SIRPA: variants seen among roughly 807,000 people sequenced by gnomAD.
SIRPA encodes the protein signal regulatory protein alpha.
In SIRPA, 9 loss-of-function variants were observed where a neutral mutation model predicts 50.3. That is an observed-to-expected ratio of 0.18 (90% CI 0.11 to 0.31). SIRPA has a LOEUF of 0.31. Ranked by LOEUF, SIRPA falls within the 10% of genes least tolerant of loss-of-function variation. The pLI is 1.00. For synonymous variants in SIRPA, 265 were observed against 284.1 expected, an observed-to-expected ratio of 0.93 and a Z score of 0.68; for missense variants, 474 against 661.6, an observed-to-expected ratio of 0.72 and a Z score of 3.11.
intron 2 of SIRPA, among the ~76,000 whole-genome samples, chr20:1,919,811 G>A (rs539440731): frequency 6.6e-6 from 1 of 152,298 alleles, no homozygotes; most frequent in South Asian, 2.1e-4. Context: ...GTTTAGAAAA[G>A]GGGAGAGAAT....
At chr20:1,912,418 G>A (rs1984945271) in intron 1 of SIRPA, among the ~76,000 whole-genome samples, 2 of 152,164 alleles carry the variant, frequency 1.3e-5, no homozygotes, top group South Asian at 4.1e-4. Flanking sequence ...TGAAGAGAGA[G>A]GAGATTTGCC....
intron 1 of SIRPA, among the ~76,000 whole-genome samples, chr20:1,903,056 G>C (rs2083908404): frequency 6.7e-6 from 1 of 150,124 alleles, no homozygotes; most frequent in African/African-American, 2.5e-5. Context: ...AGAAAATGGA[G>C]GAGTAGCCAC....
chr20:1,908,385 A>G (rs891953826), intron 1 of SIRPA, among the ~76,000 whole-genome samples: 1 of 151,548 alleles, frequency 6.6e-6, no homozygotes, highest in Non-Finnish European at 1.5e-5. Context: ...CATACACACC[A>G]CACTCACGTG....
chr20:1,903,991 C>CAGT, intron 1 of SIRPA, among the ~76,000 whole-genome samples: 1 of 152,164 alleles, frequency 6.6e-6, no homozygotes, highest in Non-Finnish European at 1.5e-5. Flanking sequence ...GCCTGACACA[C>CAGT]AGTAGGTGGG....
In SIRPA at chr20:1,895,484, C is replaced by A; in HGVS notation, c.37C>A (p.Pro13Thr). The change falls in exon 1 of 8, where the codon CCG (proline) becomes ACG (threonine). Residue 13 changes from proline to threonine, a missense_variant. By Grantham distance (38) the Pro-to-Thr change is conservative (BLOSUM62 -1). This residue lies in a region of SIRPA where 72 missense variants were observed against 76.2 expected (regional missense o/e 0.94). Coordinates refer to ENST00000358771, the MANE Select transcript of SIRPA (RefSeq NM_001040023.2). ...PAGPAPGRLG[P>T]LLCLLLAASC... ...CGGCCCGGCCCCCGGCCGCCTCGGGCCGCTGCTCTGCCTGCTGCTCGCCGC... is the reference window on the plus strand; with the variant it reads ...CGGCCCGGCCCCCGGCCGCCTCGGGACGCTGCTCTGCCTGCTGCTCGCCGC... 2 of 1,450,958 alleles carry A rather than the reference C, an allele frequency of 1.4e-6. No individual in the cohort carries two copies. The highest frequency in any genetic ancestry group is 1.4e-5 in the South Asian group (1 of 72,578). The allele number at this position is 1,450,958 out of a possible 1,614,324, so 89.9% of individuals were successfully genotyped here.
rs1358162849 is a variant in SIRPA at position 1,924,403 on chromosome 20, C to G, written c.1088-361C>G. Among the ~76,000 whole-genome samples the G allele has an allele frequency of 3.3e-5, 5 of 152,188 alleles. No homozygotes were observed. Among genetic ancestry groups the G allele is most frequent in the African/African-American group, 1.2e-4 (5 of 41,440 alleles). ...CTTCTTCCAGCTGCTGATTCAGTTT[C>G]CAGTGGATCTGGGGTGCCCTCATGA... On this transcript the variant is annotated intron_variant, in intron 4 of 7. Coordinates refer to ENST00000358771, the MANE Select transcript of SIRPA (RefSeq NM_001040023.2). The surrounding 1 kb of genome is among the most constrained non-coding windows in gnomAD (Gnocchi z 4.5).
In SIRPA at chr20:1,898,810, G is replaced by C. The variant is rs1983984047; in HGVS notation, c.79+3284G>C. Among the ~76,000 whole-genome samples, 1 of 152,068 alleles carries C rather than the reference G, an allele frequency of 6.6e-6. No homozygotes were observed. The highest frequency in any genetic ancestry group is 2.1e-4 in the South Asian group (1 of 4,820). On this transcript the variant is annotated intron_variant, in intron 1 of 7. Coordinates refer to ENST00000358771, the MANE Select transcript of SIRPA (RefSeq NM_001040023.2). This position sits in a 1 kb window ranked among gnomAD's most constrained non-coding sequence, Gnocchi z 4.3. Reference sequence around the variant, plus strand: ...GCATTTCTCTGAAAGCCTGCTGAGGGTGGAAATACTGACAGCCCCTTGGTC... The same window carrying C: ...GCATTTCTCTGAAAGCCTGCTGAGGCTGGAAATACTGACAGCCCCTTGGTC...
At chr20:1,930,505 C>T (rs1415755600) in intron 6 of SIRPA, among the ~76,000 whole-genome samples, 1 of 152,260 alleles carries the variant, frequency 6.6e-6, no homozygotes. Flanking sequence ...ACTCTGCCTT[C>T]TCTGAATCCC....
At chr20:1,923,978 CTGGTTGGTTGGTTGGTTGGTTGGTTGGT>C (rs35923845) in intron 4 of SIRPA, among the ~76,000 whole-genome samples, 2 of 150,162 alleles carry the variant, frequency 1.3e-5, no homozygotes, top group Admixed American at 6.6e-5. Flanking sequence ...AGTTGGTTGG[CTGGTTGGTTGGTTGGTTGGTTGGTTGGT>C]TGGTTGGTTG....
chr20:1,929,337 G>A (rs1261127214), intron 6 of SIRPA, among the ~76,000 whole-genome samples: 2 of 152,132 alleles, frequency 1.3e-5, no homozygotes, highest in East Asian at 3.9e-4. Context: ...GATGGGCTGA[G>A]AAGTGCTCAG....
chr20:1,926,606 G>A (rs1985994647), intron 5 of SIRPA, among the ~76,000 whole-genome samples: 1 of 152,224 alleles, frequency 6.6e-6, no homozygotes, highest in African/African-American at 2.4e-5. Context: ...CAATGTGCCA[G>A]GCACTGCTCA....
chr20:1,931,688 C>T (rs1447826085), intron 6 of SIRPA, among the ~76,000 whole-genome samples: 1 of 152,064 alleles, frequency 6.6e-6, no homozygotes. Flanking sequence ...AGGCTGCAAG[C>T]GGGGAGGCTG....
At chr20:1,925,028 A>G (rs1985898595) in intron 5 of SIRPA, 151 bp downstream of exon 5, 1 of 653,316 alleles carries the variant, frequency 1.5e-6, no homozygotes, top group Middle Eastern at 2.5e-4. Context: ...CAGTGGCCTC[A>G]CCATGTTAGA....
rs748982985 is a variant in SIRPA at position 1,937,315 on chromosome 20, T to C, written c.1267-5T>C. On this transcript the variant is annotated splice_polypyrimidine_tract_variant and splice_region_variant and intron_variant, in intron 7 of 7. Transcript: ENST00000358771. The surrounding 1 kb of genome is among the most constrained non-coding windows in gnomAD (Gnocchi z 8.3). ...TGACTTTCTCTTTGGGTATCTTAAA[T>C]CCAGGACACAAATGATATCACATAT... 69 of 1,610,364 alleles carry C rather than the reference T, an allele frequency of 4.3e-5. No homozygotes were observed. The highest frequency in any genetic ancestry group is 3.3e-4 in the Middle Eastern group (2 of 6,068).
rs2422666 is a variant in SIRPA, at chr20:1,922,462, G to T, written c.904G>T (p.Val302Phe). 80 of 1,614,126 alleles carry T rather than the reference G, an allele frequency of 5.0e-5. No homozygotes were observed. The highest frequency in any genetic ancestry group is 5.9e-5 in the Non-Finnish European group (70 of 1,180,062). Residue 302 changes from valine (V) to phenylalanine (F), a missense_variant, in exon 4 of 8, where the codon GTT (valine) becomes TTT (phenylalanine). Val to Phe is a conservative substitution (Grantham distance 50). Coordinates refer to ENST00000358771, the MANE Select transcript of SIRPA (RefSeq NM_001040023.2). ...GTCCCGGACAGAAACGGCCTCAACC[G>T]TTACAGAGAACAAGGATGGTACCTA... ...NVSRTETAST[V>F]TENKDGTYNW...
At chr20:1,930,555 G>A (rs193130536) in intron 6 of SIRPA, among the ~76,000 whole-genome samples, 2 of 152,248 alleles carry the variant, frequency 1.3e-5, no homozygotes, top group East Asian at 3.9e-4. Context: ...CCCCATCTAG[G>A]AGGATCTCTC....
rs1005955600 is a variant in SIRPA, at chr20:1,938,166, A to T, written c.*598A>T. ...TCCTGGCCTCCCCCATCCCTAGGCT[A>T]AAGAGCCATGAGTCCTGGAGGAGGA... On this transcript the variant is annotated 3_prime_UTR_variant, in exon 8 of 8. Transcript: ENST00000358771. 6.5e-6 allele frequency: 1 copy of T among 153,982 alleles called. No homozygotes were observed. Among genetic ancestry groups the T allele is most frequent in the Non-Finnish European group, 1.4e-5 (1 of 69,036 alleles). The allele number at this position is 153,982 out of a possible 1,614,324, so 9.5% of individuals were successfully genotyped here.
Position 1,924,310 on chromosome 20 carries a change from G to A in SIRPA, c.1088-454G>A, listed in dbSNP as rs1272564205. On this transcript the variant is annotated intron_variant, in intron 4 of 7. Transcript: ENST00000358771. The surrounding 1 kb of genome is among the most constrained non-coding windows in gnomAD (Gnocchi z 4.5). ...GCTAACTCCTGAGCCCAGTGTGCAT[G>A]GCCCAGGTGCTGGGCACAGACCGGT... Among the ~76,000 whole-genome samples, 4 of 152,158 alleles carry A rather than the reference G, an allele frequency of 2.6e-5. No individual in the cohort carries two copies. The highest frequency in any genetic ancestry group is 6.5e-5 in the Admixed American group (1 of 15,274).
At chr20:1,935,541 C>T (rs1986527533) in intron 7 of SIRPA, among the ~76,000 whole-genome samples, 1 of 152,252 alleles carries the variant, frequency 6.6e-6, no homozygotes, top group Non-Finnish European at 1.5e-5. Context: ...GCCCTTGTGA[C>T]CCATGGGGTC....
Sources: gnomAD v4.1 joint callset for allele counts (sites outside exome capture counted in the v4.1 genomes callset) on GRCh38, gnomAD v4.1.1 for gene constraint, gnomAD v4.1.1 regional missense constraint, Gnocchi (gnomAD v3.1) non-coding constraint, MANE v1.5 for transcripts, NCBI Gene and HGNC (gene_info 2026-07-23, HGNC 2026-07-21) for gene names.